PRSS3: variants seen among roughly 807,000 people sequenced by gnomAD.
The protein encoded by PRSS3 is serine protease 3.
PRSS3 carries 14 observed loss-of-function variants against 20.8 expected under a neutral mutation model. The observed-to-expected ratio is 0.67, with a 90% CI of 0.44 to 1.05. The LOEUF is 1.05. Ranked by LOEUF, PRSS3 falls within the 50% of genes least tolerant of loss-of-function variation. The probability of loss-of-function intolerance (pLI) is 0.00; values close to 1 mark genes in which losing one functional copy is unlikely to be tolerated. For missense variants in PRSS3, 237 were observed against 306.4 expected (o/e 0.77, Z 1.69); for synonymous variants, 91 against 117.6 (o/e 0.77, Z 1.46).
At position 33,758,803 on chromosome 9, in the gene PRSS3, T is replaced by C. The variant is rs1385435787; in HGVS notation, c.-53+8076T>C. On this transcript the variant is annotated intron_variant, in intron 1 of 5. Transcript: ENST00000342836. ...GCTAGATTTAGGAGATGGTGTTCTC[T>C]TGATTCAAGATTAAGGCTAAGCTCA... Among the ~76,000 whole-genome samples the C allele has an allele frequency of 3.9e-5, 6 of 152,346 alleles. No homozygotes were observed. In the East Asian group the frequency reaches 1.2e-3, roughly 29 times the overall value.
chr9:33,771,634 T>G (rs865860402), intron 1 of PRSS3, among the ~76,000 whole-genome samples: 17 of 112,848 alleles, frequency 1.5e-4, no homozygotes, highest in Middle Eastern at 4.3e-3. Context: ...GTTTTGTTTT[T>G]TTGTTTTTTT....
chr9:33,761,995 T>C (rs763956212), intron 1 of PRSS3: 3 of 152,190 alleles, frequency 2.0e-5, no homozygotes, highest in African/African-American at 4.8e-5. Context: ...CTCTACTAGA[T>C]TATAAACTCC....
chr9:33,798,027 A>C lies in PRSS3; in HGVS notation c.399A>C (p.Pro133=). The change falls in exon 3 of 5, where the codon CCA becomes CCC. Residue 133 remains proline, a synonymous_variant. Transcript: ENST00000379405. ...VSTISLPTTP[P]AAGTECLISG... ...CCATCTCTCTGCCCACCACCCCTCCAGCTGCTGGCACTGAGTGCCTCATCT... is the reference window on the plus strand; with the variant it reads ...CCATCTCTCTGCCCACCACCCCTCCCGCTGCTGGCACTGAGTGCCTCATCT... 5.6e-6 allele frequency: 9 copies of C among 1,614,262 alleles called. No individual in the cohort carries two copies. Among genetic ancestry groups the C allele is most frequent in the Non-Finnish European group, 7.6e-6 (9 of 1,180,042 alleles).
rs74180504 is a variant in PRSS3, at chr9:33,785,160, A to ATTTTTT, written c.-52-9556_-52-9551dup. On this transcript the variant is annotated intron_variant, in intron 1 of 5. Coordinates refer to the PRSS3 transcript ENST00000342836. ...GAAAAAGATCATAGCATTGTGGTCA[A>ATTTTTT]TTTTTTTTTTTTTTTTTTTTTTTTT... Among the ~76,000 whole-genome samples, 720 of 72,434 alleles carry ATTTTTT rather than the reference A, an allele frequency of 9.9e-3. 86 individuals carry two copies. Among genetic ancestry groups the ATTTTTT allele is most frequent in the Non-Finnish European group, 0.013 (567 of 43,188 alleles). The allele number at this position is 72,434 out of a possible 152,430, so 47.5% of individuals were successfully genotyped here.
Position 33,799,125 on chromosome 9 carries a change from C to G in PRSS3, c.689C>G (p.Thr230Ser). Residue 230 changes from threonine to serine, a missense_variant, in exon 5 of 5, where the codon ACC becomes AGC. Physicochemically the swap from Thr to Ser is moderately conservative, Grantham distance 58. Coordinates refer to ENST00000379405, the MANE Select transcript of PRSS3 (RefSeq NM_002771.4). ...CAWKNRPGVY[T>S]KVYNYVDWIK... ...TGGAAGAACAGGCCTGGAGTCTACACCAAGGTCTACAACTATGTGGACTGG... is the reference window on the plus strand; with the variant it reads ...TGGAAGAACAGGCCTGGAGTCTACAGCAAGGTCTACAACTATGTGGACTGG... The G allele has an allele frequency of 6.2e-7, 1 of 1,614,210 alleles. No individual in the cohort carries two copies. Among genetic ancestry groups the G allele is most frequent in the Non-Finnish European group, 8.5e-7 (1 of 1,180,032 alleles).
intron 1 of PRSS3, among the ~76,000 whole-genome samples, chr9:33,776,800 T>C (rs1823955062): frequency 6.6e-6 from 1 of 152,098 alleles, no homozygotes; most frequent in Non-Finnish European, 1.5e-5. Flanking sequence ...AAAAAATTAA[T>C]AGCCTCAGTG....
At chr9:33,753,932 G>A (rs1159475264) in intron 1 of PRSS3, among the ~76,000 whole-genome samples, 2 of 152,074 alleles carry the variant, frequency 1.3e-5, no homozygotes, top group East Asian at 1.9e-4. Context: ...GTGTCTTCCC[G>A]CACCACCCTC....
intron 1 of PRSS3, among the ~76,000 whole-genome samples, chr9:33,778,993 T>C (rs1355541326): frequency 6.6e-6 from 1 of 152,248 alleles, no homozygotes; most frequent in Non-Finnish European, 1.5e-5. Flanking sequence ...TAATTATATA[T>C]GCAAGATGTG....
chr9:33,776,336 A>C (rs191906186), intron 1 of PRSS3, among the ~76,000 whole-genome samples: 25 of 152,322 alleles, frequency 1.6e-4, no homozygotes, highest in African/African-American at 5.8e-4. Context: ...TGGGAGCCCC[A>C]AAAAGGGAGA....
At chr9:33,786,902 C>A in intron 1 of PRSS3, 1 of 612,156 alleles carries the variant, frequency 1.6e-6, no homozygotes, top group Non-Finnish European at 2.9e-6. Flanking sequence ...CTCACATGAA[C>A]CTGAGGGCCC....
At chr9:33,761,175 G>A (rs894575522) in intron 1 of PRSS3, among the ~76,000 whole-genome samples, 12 of 152,350 alleles carry the variant, frequency 7.9e-5, no homozygotes, top group East Asian at 3.9e-4. Context: ...ACATCCTAGA[G>A]TGTACTTATA....
At chr9:33,796,597 C>T in intron 1 of PRSS3, 46 bp from the exon 2 acceptor site, 1 of 1,611,060 alleles carries the variant, frequency 6.2e-7, no homozygotes, top group Non-Finnish European at 8.5e-7. Flanking sequence ...AGCACCACCC[C>T]TAACATGCTA....
intron 1 of PRSS3, among the ~76,000 whole-genome samples, chr9:33,765,232 CA>C (rs1473046826): frequency 2.6e-4 from 40 of 152,214 alleles, no homozygotes; most frequent in Admixed American, 5.2e-4. Flanking sequence ...ACCTTATATA[CA>C]CTATGTTTTT....
chr9:33,789,219 T>C (rs1397579521), intron 1 of PRSS3, among the ~76,000 whole-genome samples: 1 of 152,230 alleles, frequency 6.6e-6, no homozygotes, highest in Non-Finnish European at 1.5e-5. Context: ...TTGATGTCAA[T>C]TCATCTTTCA....
Position 33,762,727 on chromosome 9 carries a change from C to T in PRSS3, c.-53+12000C>T, listed in dbSNP as rs115882056. On this transcript the variant is annotated intron_variant, in intron 1 of 5. Coordinates refer to the PRSS3 transcript ENST00000342836. ...AAAAGTTATGCTCAGCCACTGCCCT[C>T]TCTAGGATTATCTGATGTTAAACAG... Among the ~76,000 whole-genome samples the T allele has an allele frequency of 2.1e-3, 314 of 152,326 alleles. 4 individuals are homozygous for T. Among genetic ancestry groups the T allele is most frequent in the African/African-American group, 7.2e-3 (300 of 41,564 alleles).
In PRSS3 at chr9:33,750,797, G is replaced by A; in HGVS notation, c.-53+70G>A. 2 of 1,412,564 alleles carry A rather than the reference G, an allele frequency of 1.4e-6. No homozygotes were observed. The highest frequency in any genetic ancestry group is 1.8e-6 in the Non-Finnish European group (2 of 1,089,086). The allele number at this position is 1,412,564 out of a possible 1,614,324, so 87.5% of individuals were successfully genotyped here. On this transcript the variant is annotated intron_variant, in intron 1 of 5. Coordinates refer to the PRSS3 transcript ENST00000342836. The surrounding 1 kb of genome is among the most constrained non-coding windows in gnomAD (Gnocchi z 4.8). ...TCGAAGGGAGAGGGAGCCCCGCCAAGGAGCGGGGCTGTGATGGAGAGGGGG... is the reference window on the plus strand; with the variant it reads ...TCGAAGGGAGAGGGAGCCCCGCCAAAGAGCGGGGCTGTGATGGAGAGGGGG...
upstream of PRSS3, chr9:33,794,635 T>C (rs1824811856): frequency 6.0e-6 from 8 of 1,331,618 alleles, no homozygotes; most frequent in Non-Finnish European, 7.0e-6. Context: ...GATCAGATGG[T>C]AACCCAGATT....
chr9:33,771,325 T>C (rs1166159617), intron 1 of PRSS3, among the ~76,000 whole-genome samples: 1 of 151,712 alleles, frequency 6.6e-6, no homozygotes, highest in Non-Finnish European at 1.5e-5. Flanking sequence ...CTTTTTTTTT[T>C]TTTATGTTTT....
At chr9:33,783,756 G>T (rs1248134616) in intron 1 of PRSS3, among the ~76,000 whole-genome samples, 1 of 152,100 alleles carries the variant, frequency 6.6e-6, no homozygotes, top group African/African-American at 2.4e-5. Context: ...CAGGCGTGGT[G>T]GTGCACGCCT....
Sources: gnomAD v4.1 joint callset for allele counts (sites outside exome capture counted in the v4.1 genomes callset) on GRCh38, gnomAD v4.1.1 for gene constraint, Gnocchi (gnomAD v3.1) non-coding constraint, MANE v1.5 for transcripts, NCBI Gene and HGNC (gene_info 2026-07-23, HGNC 2026-07-21) for gene names.